Variants in SAMD5 observed in about 807,000 individuals in gnomAD.
The protein encoded by SAMD5 is sterile alpha motif domain containing 5, also known as sterile alpha motif domain-containing protein 5.
A neutral mutation model predicts 11.3 loss-of-function variants in SAMD5; 13 were observed. The ratio of observed to expected loss-of-function variants is 1.15; its 90% CI spans 0.75 to 1.83. The LOEUF (loss-of-function observed/expected upper bound fraction) is 1.83. Ranked by LOEUF, SAMD5 falls within the 40% of genes most tolerant of loss-of-function variation. The pLI is 0.00. For missense variants in SAMD5, 255 were observed against 239.1 expected, an observed-to-expected ratio of 1.07 and a Z score of -0.44; for synonymous variants, 129 against 111.3, an observed-to-expected ratio of 1.16 and a Z score of -1.00.
At chr6:147,941,125 C>T in the SAMD5 span, among the ~76,000 whole-genome samples, 3 of 152,044 alleles carry the variant, frequency 2.0e-5, no homozygotes, top group Admixed American at 6.5e-5. Flanking sequence ...ATAGGATTAT[C>T]CTCTTCTTTA....
rs1385187709 is a variant in SAMD5, at chr6:147,569,597, A to G, written c.*5141A>G. ...ATGAAATGCTGTGTTAAATATCTCC[A>G]GGGCAAAGTGGTATGTTGACTGGGA... On this transcript the variant is annotated 3_prime_UTR_variant, in exon 2 of 2. Transcript: ENST00000367474. 1.0e-6 allele frequency: 1 copy of G among 983,926 alleles called. No individual in the cohort carries two copies. Among genetic ancestry groups the G allele is most frequent in the Admixed American group, 6.1e-5 (1 of 16,266 alleles). 60.9% of individuals were successfully genotyped at this position (983,926 alleles called of 1,614,324 possible).
the SAMD5 span, among the ~76,000 whole-genome samples, chr6:147,876,112 T>G: frequency 6.6e-6 from 1 of 152,140 alleles, no homozygotes; most frequent in Admixed American, 6.5e-5. Flanking sequence ...ACTTACACAC[T>G]CAGAAGATCC....
At chr6:147,948,096 T>C in the SAMD5 span, among the ~76,000 whole-genome samples, 3 of 152,176 alleles carry the variant, frequency 2.0e-5, no homozygotes, top group Non-Finnish European at 2.9e-5. Flanking sequence ...TTTATTAAGC[T>C]ACTGAAACAA....
chr6:147,613,188 T>C (rs1583106434), intron 1 of SAMD5, among the ~76,000 whole-genome samples: 1 of 150,278 alleles, frequency 6.7e-6, no homozygotes, highest in Non-Finnish European at 1.5e-5. Flanking sequence ...TATGATTATA[T>C]CTCATAGAAG....
At chr6:147,905,121 C>A in the SAMD5 span, among the ~76,000 whole-genome samples, 1 of 152,124 alleles carries the variant, frequency 6.6e-6, no homozygotes, top group African/African-American at 2.4e-5. Context: ...CTCCCGACCT[C>A]AGGTGATCCA....
the SAMD5 span, among the ~76,000 whole-genome samples, chr6:147,942,989 T>A: frequency 7.2e-4 from 110 of 152,158 alleles, no homozygotes; most frequent in African/African-American, 2.5e-3. Flanking sequence ...AATTTTTTTT[T>A]ATTTTATTTT....
chr6:147,545,912 G>C (rs1410962756), intron 1 of SAMD5, among the ~76,000 whole-genome samples: 1 of 152,034 alleles, frequency 6.6e-6, no homozygotes, highest in Admixed American at 6.6e-5. Context: ...TAATGCTTGG[G>C]TGTTATGCTA....
intron 1 of SAMD5, among the ~76,000 whole-genome samples, chr6:147,532,078 C>T (rs752363338): frequency 2.3e-4 from 35 of 152,012 alleles, no homozygotes; most frequent in Non-Finnish European, 3.4e-4. Context: ...TTTCATTGCT[C>T]TATTACTATC....
At chr6:147,828,105 C>T in the SAMD5 span, among the ~76,000 whole-genome samples, 2 of 152,106 alleles carry the variant, frequency 1.3e-5, no homozygotes, top group African/African-American at 2.4e-5. Flanking sequence ...ATTCTATACC[C>T]CTGTCTTTGC....
At chr6:147,850,082 T>C in the SAMD5 span, among the ~76,000 whole-genome samples, 1 of 152,236 alleles carries the variant, frequency 6.6e-6, no homozygotes, top group Non-Finnish European at 1.5e-5. Context: ...CTTGCATTCC[T>C]TTATTTTTAT....
intron 1 of SAMD5, among the ~76,000 whole-genome samples, chr6:147,595,332 A>T (rs1376591152): frequency 6.6e-6 from 1 of 152,094 alleles, no homozygotes; most frequent in Admixed American, 6.5e-5. Flanking sequence ...CTATGAGAGT[A>T]CTCTTATTTA....
chr6:147,542,849 A>G (rs1788628249), intron 1 of SAMD5, among the ~76,000 whole-genome samples: 1 of 152,232 alleles, frequency 6.6e-6, no homozygotes, highest in Non-Finnish European at 1.5e-5. Flanking sequence ...TCTGCTTGGG[A>G]AAGGGCTGTT....
At chr6:147,672,619 A>C (rs1332493933) in intron 1 of SAMD5, among the ~76,000 whole-genome samples, 1 of 152,136 alleles carries the variant, frequency 6.6e-6, no homozygotes, top group Non-Finnish European at 1.5e-5. Context: ...AAAGGCTTAT[A>C]TTGAAGAAAA....
chr6:147,639,383 A>C (rs1020945145), intron 1 of SAMD5, among the ~76,000 whole-genome samples: 3 of 152,356 alleles, frequency 2.0e-5, no homozygotes, highest in South Asian at 4.1e-4. Flanking sequence ...GCCCACACAT[A>C]TATTTATGCA....
chr6:147,927,702 G>A, the SAMD5 span, among the ~76,000 whole-genome samples: 3 of 152,138 alleles, frequency 2.0e-5, no homozygotes, highest in Non-Finnish European at 2.9e-5. Context: ...CCAATGCAAT[G>A]TAGAATGGGA....
At chr6:147,842,777 A>G in the SAMD5 span, among the ~76,000 whole-genome samples, 15 of 152,246 alleles carry the variant, frequency 9.9e-5, no homozygotes, top group Admixed American at 2.0e-4. Context: ...GTTGTTGCAC[A>G]TATCTTGAAA....
the SAMD5 span, among the ~76,000 whole-genome samples, chr6:147,917,021 G>C: frequency 6.9e-6 from 1 of 144,818 alleles, no homozygotes; most frequent in Non-Finnish European, 1.5e-5. Context: ...AAACATACAT[G>C]TGCATGTGTC....
the SAMD5 span, among the ~76,000 whole-genome samples, chr6:147,927,422 G>T: frequency 6.6e-6 from 1 of 152,052 alleles, no homozygotes; most frequent in African/African-American, 2.4e-5. Context: ...TCTTTCTGAG[G>T]CAATTGTAAA....
intron 1 of SAMD5, among the ~76,000 whole-genome samples, chr6:147,726,527 C>G (rs1305562697): frequency 6.6e-6 from 1 of 152,160 alleles, no homozygotes; most frequent in Non-Finnish European, 1.5e-5. Flanking sequence ...GGGGCCCAGG[C>G]CCAGGCCCAG....
Sources: gnomAD v4.1 joint callset for allele counts (sites outside exome capture counted in the v4.1 genomes callset) on GRCh38, gnomAD v4.1.1 for gene constraint, MANE v1.5 for transcripts, NCBI Gene and HGNC (gene_info 2026-07-23, HGNC 2026-07-21) for gene names.